TGFB2: variants seen among roughly 807,000 people sequenced by gnomAD.
TGFB2 encodes the protein transforming growth factor beta 2.
A neutral mutation model predicts 42.7 loss-of-function variants in TGFB2; 13 were observed. The observed-to-expected ratio is 0.30, with a 90% CI of 0.20 to 0.48. TGFB2 has a LOEUF of 0.48. Ranked by LOEUF, TGFB2 falls within the 20% of genes least tolerant of loss-of-function variation. The probability of loss-of-function intolerance (pLI) is 0.99; values close to 1 mark genes in which losing one functional copy is unlikely to be tolerated. For missense variants in TGFB2, 390 were observed against 517.5 expected (o/e 0.75, Z 2.39); for synonymous variants, 193 against 193.6 (o/e 1.00, Z 0.03).
chr1:218,359,942 C>T (rs189850180), intron 1 of TGFB2, among the ~76,000 whole-genome samples: 381 of 152,220 alleles, frequency 2.5e-3, no homozygotes, highest in Admixed American at 5.7e-3. Flanking sequence ...AACAAATAGC[C>T]CTTATGAGGG....
chr1:218,415,627 G>A (rs1466433125), intron 2 of TGFB2, among the ~76,000 whole-genome samples: 1 of 147,140 alleles, frequency 6.8e-6, no homozygotes, highest in East Asian at 2.1e-4. Context: ...CCTGGTAGGC[G>A]GAATTTGCAG....
chr1:218,384,844 G>A (rs1658078987), intron 1 of TGFB2, among the ~76,000 whole-genome samples: 1 of 152,202 alleles, frequency 6.6e-6, no homozygotes, highest in Non-Finnish European at 1.5e-5. Context: ...ATGGCAGGAG[G>A]AGGTTCAGTG....
At chr1:218,368,035 T>A (rs763756868) in intron 1 of TGFB2, among the ~76,000 whole-genome samples, 1 of 152,130 alleles carries the variant, frequency 6.6e-6, no homozygotes, top group Non-Finnish European at 1.5e-5. Context: ...TCTCTTGACC[T>A]CGTGATCCGC....
chr1:218,347,750 C>T (rs1000362986), intron 1 of TGFB2, among the ~76,000 whole-genome samples: 1 of 152,170 alleles, frequency 6.6e-6, no homozygotes, highest in African/African-American at 2.4e-5. Flanking sequence ...AACTCCGTTT[C>T]TGACTGTGTT....
chr1:218,418,147 A>G (rs1319466057), intron 2 of TGFB2, among the ~76,000 whole-genome samples: 1 of 152,216 alleles, frequency 6.6e-6, no homozygotes, highest in Non-Finnish European at 1.5e-5. Flanking sequence ...TATGCCTGGA[A>G]AAATCACAAG....
Position 218,437,337 on chromosome 1 carries a change from T to C in TGFB2, c.933-6T>C, listed in dbSNP as rs79686416. On this transcript the variant is annotated splice_polypyrimidine_tract_variant and splice_region_variant and intron_variant, in intron 5 of 6. Transcript: ENST00000366930. ...CTCCATTGCTTTTTTTTTTTTTTTT[T>C]AACAGAAATGTGCAGGATAATTGCT... The C allele has an allele frequency of 4.0e-6, 6 of 1,515,184 alleles. No individual in the cohort carries two copies. In the African/African-American group the frequency reaches 7.3e-5, roughly 18 times the overall value. The allele number at this position is 1,515,184 out of a possible 1,614,324, so 93.9% of individuals were successfully genotyped here. A position where few individuals can be genotyped will look rare whatever the true frequency, so the allele number is the denominator to read the frequency against.
At chr1:218,356,688 G>T (rs1213697437) in intron 1 of TGFB2, among the ~76,000 whole-genome samples, 1 of 152,110 alleles carries the variant, frequency 6.6e-6, no homozygotes, top group Admixed American at 6.5e-5. Context: ...GTGCTTCTGG[G>T]GCTGGTTTCG....
At chr1:218,361,154 G>C (rs777410243) in intron 1 of TGFB2, among the ~76,000 whole-genome samples, 35 of 152,190 alleles carry the variant, frequency 2.3e-4, no homozygotes, top group Admixed American at 2.0e-4. Flanking sequence ...CGCCCGGCCT[G>C]AAAACTGATT....
In TGFB2 at chr1:218,401,703, A is replaced by T. The variant is rs889915421; in HGVS notation, c.347-3466A>T. 9.9e-5 allele frequency among the ~76,000 whole-genome samples: 15 copies of T among 152,164 alleles called. 1 individual carries two copies. Among genetic ancestry groups the T allele is most frequent in the African/African-American group, 3.6e-4 (15 of 41,514 alleles). Reference sequence around the variant, plus strand: ...GCGAGAACTCCCATTCCAAAGGGGGAAATGAGTTCTTGGAGGAAGCAGAGG... The same window carrying T: ...GCGAGAACTCCCATTCCAAAGGGGGTAATGAGTTCTTGGAGGAAGCAGAGG... On this transcript the variant is annotated intron_variant, in intron 1 of 6. Transcript: ENST00000366930.
chr1:218,406,488 G>T (rs554058113), intron 2 of TGFB2, among the ~76,000 whole-genome samples: 1 of 152,274 alleles, frequency 6.6e-6, no homozygotes, highest in South Asian at 2.1e-4. Flanking sequence ...AGATCCGCAG[G>T]TGCTTCTTGT....
chr1:218,440,912 T>C (rs570452206), intron 6 of TGFB2, among the ~76,000 whole-genome samples: 1 of 149,738 alleles, frequency 6.7e-6, no homozygotes, highest in Non-Finnish European at 1.5e-5. Context: ...AAAGACTTAC[T>C]GGAAAAACCG....
rs1377063785 is a variant in TGFB2, at chr1:218,346,167, C to A, written c.-535C>A. ...CGCAGTGGAAGGCAGGACCGAACCG[C>A]TCCTTCTTTAAATATATAAATTTCA... On this transcript the variant is annotated 5_prime_UTR_variant, in exon 1 of 7. Transcript: ENST00000366930. The surrounding 1 kb of genome is among the most constrained non-coding windows in gnomAD (Gnocchi z 4.9). 1.3e-5 allele frequency: 2 copies of A among 156,616 alleles called. No individual in the cohort carries two copies. Among genetic ancestry groups the A allele is most frequent in the East Asian group, 1.9e-4 (1 of 5,196 alleles). 9.7% of individuals were successfully genotyped at this position (156,616 alleles called of 1,614,324 possible).
chr1:218,400,322 C>T (rs958183642), intron 1 of TGFB2, among the ~76,000 whole-genome samples: 7 of 152,100 alleles, frequency 4.6e-5, no homozygotes, highest in African/African-American at 7.2e-5. Context: ...CCAACTGTCA[C>T]GGTGTTTTTT....
chr1:218,358,973 TGG>T (rs371829464), intron 1 of TGFB2, among the ~76,000 whole-genome samples: 1,649 of 152,312 alleles, frequency 0.011, 24 homozygotes, highest in Middle Eastern at 0.085. Context: ...ATGGGTGGTT[TGG>T]TCAAGGAACG....
intron 1 of TGFB2, among the ~76,000 whole-genome samples, chr1:218,397,667 G>A (rs748863080): frequency 1.1e-4 from 17 of 152,110 alleles, no homozygotes; most frequent in Non-Finnish European, 1.6e-4. Flanking sequence ...AAATGTTAGG[G>A]TACATAGGAA....
At chr1:218,354,988 T>C (rs1656986487) in intron 1 of TGFB2, among the ~76,000 whole-genome samples, 1 of 152,190 alleles carries the variant, frequency 6.6e-6, no homozygotes, top group African/African-American at 2.4e-5. Flanking sequence ...CTGCAACCTC[T>C]GGCTCCCGGG....
chr1:218,389,526 C>T (rs10482766), intron 1 of TGFB2, among the ~76,000 whole-genome samples: 10,077 of 152,192 alleles, frequency 0.066, 346 homozygotes, highest in East Asian at 0.14. Context: ...AGCTTGCTTC[C>T]GGCTGAAGAA....
chr1:218,435,864 TG>T, intron 4 of TGFB2, 105 bp from the exon 5 acceptor site: 2 of 1,118,996 alleles, frequency 1.8e-6, no homozygotes, highest in Non-Finnish European at 1.3e-6. Flanking sequence ...GCTGCTTTGG[TG>T]GTCATCACTG....
intron 2 of TGFB2, among the ~76,000 whole-genome samples, chr1:218,413,086 C>A (rs886425866): frequency 3.3e-5 from 5 of 152,144 alleles, no homozygotes; most frequent in Non-Finnish European, 1.5e-5. Flanking sequence ...AAACTAGGCC[C>A]AGAGGCTGGG....
Sources: allele counts gnomAD v4.1 joint callset (sites outside exome capture counted in the v4.1 genomes callset), GRCh38; gene constraint gnomAD v4.1.1; non-coding constraint Gnocchi (gnomAD v3.1); transcripts MANE v1.5; gene names NCBI Gene and HGNC (gene_info 2026-07-23, HGNC 2026-07-21).